The following CCR7 variants were observed in gnomAD, a reference collection of about 807,000 sequenced individuals.
CCR7 encodes C-C chemokine receptor type 7.
Under a neutral mutation model 26.0 loss-of-function variants are expected in CCR7, and 11 were observed. That is an observed-to-expected ratio of 0.42 (90% CI 0.27 to 0.70). The LOEUF (loss-of-function observed/expected upper bound fraction) is 0.70. Among genes scored for constraint, CCR7 ranks in the 30% least tolerant of loss-of-function variants. The pLI, the probability that CCR7 is intolerant of heterozygous loss-of-function variation, is 0.23. For missense variants in CCR7, 360 were observed against 504.0 expected (o/e 0.71, Z 2.74); for synonymous variants, 189 against 202.1 (o/e 0.94, Z 0.55).
At chr17:40,563,957 A>C (rs373935147) in intron 1 of CCR7, among the ~76,000 whole-genome samples, 1 of 152,086 alleles carries the variant, frequency 6.6e-6, no homozygotes, top group Non-Finnish European at 1.5e-5. Context: ...GTCAGCTACC[A>C]GTGCTCCACC....
chr17:40,554,897 A>C lies in CCR7; in HGVS notation c.982T>G (p.Phe328Val). The change falls in exon 3 of 3, where the codon TTC (phenylalanine) becomes GTC (valine). Residue 328 changes from phenylalanine (F) to valine (V), a missense_variant. Phe to Val is a conservative substitution (Grantham distance 50). Coordinates refer to ENST00000246657, the MANE Select transcript of CCR7 (RefSeq NM_001838.4). ...TCGTTGCGGAACTTGACGCCGATGA[A>C]GGCGTACAAGAAAGGGTTGACGCAG... ...RCCVNPFLYAFIGVKFRNDLF... is the reference protein window; with the variant it reads ...RCCVNPFLYAVIGVKFRNDLF... The C allele has an allele frequency of 6.2e-7, 1 of 1,614,206 alleles. No individual in the cohort carries two copies. The highest frequency in any genetic ancestry group is 1.7e-5 in the Admixed American group (1 of 60,026).
At chr17:40,563,550 CCA>C (rs1224720730) in intron 1 of CCR7, among the ~76,000 whole-genome samples, 4 of 152,090 alleles carry the variant, frequency 2.6e-5, no homozygotes, top group African/African-American at 9.7e-5. Flanking sequence ...CCCTCCTCAC[CCA>C]CCTCTTGCTC....
At position 40,555,874 on chromosome 17, in the gene CCR7, T is replaced by C. The variant is rs574829241; in HGVS notation, c.61-56A>G. 9.0e-6 allele frequency: 11 copies of C among 1,220,376 alleles called. No homozygotes were observed. Among genetic ancestry groups the C allele is most frequent in the Non-Finnish European group, 1.3e-5 (11 of 842,494 alleles). The allele number at this position is 1,220,376 out of a possible 1,614,324, so 75.6% of individuals were successfully genotyped here. A position where few individuals can be genotyped will look rare whatever the true frequency, so the allele number is the denominator to read the frequency against. On this transcript the variant is annotated intron_variant, in intron 2 of 2. Transcript: ENST00000246657. The surrounding 1 kb of genome is among the most constrained non-coding windows in gnomAD (Gnocchi z 5.6). Reference sequence around the variant, plus strand: ...CAGTTTAGCTGGGTGGCTCCAACTCTGGCTGGGATTTAGCCTAGAGCAGTG... The same window carrying C: ...CAGTTTAGCTGGGTGGCTCCAACTCCGGCTGGGATTTAGCCTAGAGCAGTG...
Position 40,554,938 on chromosome 17 carries a change from A to G in CCR7, c.941T>C (p.Leu314Pro). Reference protein sequence around the residue: ...LNIAYDVTYSLACVRCCVNPF... With the variant: ...LNIAYDVTYSPACVRCCVNPF... Reference sequence around the variant, plus strand: ...GTTGACGCAGCAGCGGACGCAGGCCAGGCTGTAGGTGACGTCGTAGGCGAT... The same window carrying G: ...GTTGACGCAGCAGCGGACGCAGGCCGGGCTGTAGGTGACGTCGTAGGCGAT... Residue 314 changes from leucine to proline, a missense_variant, in exon 3 of 3, where the codon CTG becomes CCG. Leu to Pro is a moderately conservative substitution (Grantham distance 98). Coordinates refer to ENST00000246657, the MANE Select transcript of CCR7 (RefSeq NM_001838.4). The G allele has an allele frequency of 6.2e-7, 1 of 1,614,228 alleles. No individual in the cohort carries two copies.
In CCR7 at chr17:40,555,904, CT is replaced by C; in HGVS notation, c.61-87del. 2 of 894,896 alleles carry C rather than the reference CT, an allele frequency of 2.2e-6. No individual in the cohort carries two copies. Among genetic ancestry groups the C allele is most frequent in the Admixed American group, 2.4e-5 (1 of 41,000 alleles). 55.4% of individuals were successfully genotyped at this position (894,896 alleles called of 1,614,324 possible). A position where few individuals can be genotyped will look rare whatever the true frequency, so the allele number is the denominator to read the frequency against. On this transcript the variant is annotated intron_variant, in intron 2 of 2. Transcript: ENST00000246657. This position sits in a 1 kb window ranked among gnomAD's most constrained non-coding sequence, Gnocchi z 5.6. ...GGGATTTAGCCTAGAGCAGTGGTTT[CT>C]TTCTTTTTTTTTTTTCTTGAGACAT...
Position 40,554,393 on chromosome 17 carries a change from GCCAC to G in CCR7, c.*345_*348del. 1.2e-5 allele frequency: 3 copies of G among 246,540 alleles called. No homozygotes were observed. Among genetic ancestry groups the G allele is most frequent in the South Asian group, 7.4e-5 (1 of 13,452 alleles). The allele number at this position is 246,540 out of a possible 1,614,324, so 15.3% of individuals were successfully genotyped here. The stretch of plus-strand genomic sequence containing the variant: ...AAGGTTCATTCAGAGGACTCTTCAG[GCCAC>G]TCCCACGCCCCTTGCACTCACCCTC... On this transcript the variant is annotated 3_prime_UTR_variant, in exon 3 of 3. Transcript: ENST00000246657.
At chr17:40,562,212 A>G (rs2036662813) in intron 1 of CCR7, among the ~76,000 whole-genome samples, 1 of 152,114 alleles carries the variant, frequency 6.6e-6, no homozygotes, top group Admixed American at 6.5e-5. Flanking sequence ...CCCTCATAAC[A>G]TCTCATGAGC....
At chr17:40,564,965 G>A (rs1166441620) in intron 1 of CCR7, among the ~76,000 whole-genome samples, 1 of 152,148 alleles carries the variant, frequency 6.6e-6, no homozygotes, top group Middle Eastern at 3.2e-3. Flanking sequence ...GGAGAAAGGT[G>A]GGAATCAGAG....
intron 1 of CCR7, among the ~76,000 whole-genome samples, chr17:40,564,629 G>A (rs541768834): frequency 6.6e-6 from 1 of 152,310 alleles, no homozygotes; most frequent in Non-Finnish European, 1.5e-5. Flanking sequence ...TTCTAGGTTA[G>A]ACCTGAGAAA....
In CCR7 at chr17:40,554,973, C is replaced by T. The variant is rs976623621; in HGVS notation, c.906G>A (p.Lys302=). The T allele has an allele frequency of 2.5e-6, 4 of 1,614,214 alleles. No individual in the cohort carries two copies. Among genetic ancestry groups the T allele is most frequent in the Non-Finnish European group, 3.4e-6 (4 of 1,180,034 alleles). ...TGACGTCGTAGGCGATGTTGAGTTG[C>T]TTACTGAGCTCACAGGTGCTACTGG... ...NITSSTCELS[K]QLNIAYDVTY... Residue 302 remains lysine, a synonymous_variant, in exon 3 of 3, where the codon AAG becomes AAA. Coordinates refer to ENST00000246657, the MANE Select transcript of CCR7 (RefSeq NM_001838.4).
chr17:40,563,302 C>G (rs188801384), intron 1 of CCR7, among the ~76,000 whole-genome samples: 7 of 152,250 alleles, frequency 4.6e-5, no homozygotes, highest in Admixed American at 4.6e-4. Flanking sequence ...TTCTGGCAGG[C>G]AAGAAACTGG....
chr17:40,561,044 A>G (rs1412470887), intron 1 of CCR7: 3 of 152,198 alleles, frequency 2.0e-5, no homozygotes. Flanking sequence ...TAAAACACGT[A>G]AGTGTCTTTC....
chr17:40,554,489 G>A lies in CCR7; in HGVS notation c.*253C>T, dbSNP rs2036554392. 2.0e-6 allele frequency: 1 copy of A among 507,768 alleles called. No homozygotes were observed. 31.5% of individuals were successfully genotyped at this position (507,768 alleles called of 1,614,324 possible). A position where few individuals can be genotyped will look rare whatever the true frequency, so the allele number is the denominator to read the frequency against. On this transcript the variant is annotated 3_prime_UTR_variant, in exon 3 of 3. Transcript: ENST00000246657. ...TTTCACTTTCAGTTTTTGGTTTAGG[G>A]GACAATAGCCTCTGTTTCCCAGTGT...
intron 1 of CCR7, 73 bp from the exon 2 acceptor site, chr17:40,559,015 G>A (rs2036624749): frequency 2.4e-6 from 3 of 1,272,308 alleles, no homozygotes; most frequent in Non-Finnish European, 3.3e-6. Context: ...GCAGTGGAGG[G>A]GGAGACGCTG....
chr17:40,555,600 G>C lies in CCR7; in HGVS notation c.279C>G (p.Thr93=). 1 of 1,614,140 alleles carries C rather than the reference G, an allele frequency of 6.2e-7. No homozygotes were observed. The highest frequency in any genetic ancestry group is 8.5e-7 in the Non-Finnish European group (1 of 1,180,016). The part of the protein sequence containing the change: ...YIYFKRLKTM[T]DTYLLNLAVA... ...CCGCCAGGTTGAGCAGGTAGGTATC[G>C]GTCATGGTCTTGAGCCTCTTGAAAT... The change falls in exon 3 of 3, where the codon ACC becomes ACG. Residue 93 remains threonine, a synonymous_variant. Transcript: ENST00000246657. The surrounding 1 kb of genome is among the most constrained non-coding windows in gnomAD (Gnocchi z 5.6).
intron 1 of CCR7, chr17:40,561,041 CGTAA>C (rs1304284132): frequency 2.0e-5 from 3 of 152,226 alleles, no homozygotes; most frequent in Admixed American, 6.5e-5. Flanking sequence ...CTTTAAAACA[CGTAA>C]GTGTCTTTCG....
chr17:40,558,777 C>T (rs1004791408), intron 2 of CCR7, 116 bp downstream of exon 2: 20 of 839,398 alleles, frequency 2.4e-5, no homozygotes, highest in African/African-American at 3.4e-5. Flanking sequence ...GAGTGGCAGG[C>T]GGGCTTATGT....
At chr17:40,563,550 C>T (rs1555601115) in intron 1 of CCR7, among the ~76,000 whole-genome samples, 1 of 152,090 alleles carries the variant, frequency 6.6e-6, no homozygotes, top group Non-Finnish European at 1.5e-5. Flanking sequence ...CCCTCCTCAC[C>T]CACCTCTTGC....
chr17:40,557,606 C>T (rs777638695), intron 2 of CCR7, among the ~76,000 whole-genome samples: 47 of 152,176 alleles, frequency 3.1e-4, no homozygotes, highest in Admixed American at 5.2e-4. Flanking sequence ...TGCCTTTGGC[C>T]CAGCCATGGT....
Sources: gnomAD v4.1 joint callset for allele counts (sites outside exome capture counted in the v4.1 genomes callset) on GRCh38, gnomAD v4.1.1 for gene constraint, Gnocchi (gnomAD v3.1) non-coding constraint, MANE v1.5 for transcripts, NCBI Gene and HGNC (gene_info 2026-07-23, HGNC 2026-07-21) for gene names.